GRAMD1A: variants seen among roughly 807,000 people sequenced by gnomAD.
The protein encoded by GRAMD1A is protein Aster-A.
In GRAMD1A, 50 loss-of-function variants were observed where a neutral mutation model predicts 92.0. The observed-to-expected ratio is 0.54, with a 90% confidence interval of 0.43 to 0.69. The LOEUF (loss-of-function observed/expected upper bound fraction) is 0.69, where lower values mean the gene tolerates loss of function less well. Ranked by LOEUF, GRAMD1A falls within the 30% of genes least tolerant of loss-of-function variation. GRAMD1A has a pLI of 0.00. For missense variants in GRAMD1A, 819 were observed against 978.9 expected (o/e 0.84, Z 2.18); for synonymous variants, 405 against 403.6 (o/e 1.00, Z -0.04).
In GRAMD1A at chr19:35,020,114, C is replaced by T. The variant is rs548253192; in HGVS notation, c.1475+581C>T. Reference sequence around the variant, plus strand: ...GAGATTAAAGTGGTGAACCGGGGCCCGGCACAGTGGCTCACACCTGTAATC... The same window carrying T: ...GAGATTAAAGTGGTGAACCGGGGCCTGGCACAGTGGCTCACACCTGTAATC... On this transcript the variant is annotated intron_variant, in intron 13 of 19. Transcript: ENST00000317991. Among the ~76,000 whole-genome samples the T allele has an allele frequency of 1.7e-4, 26 of 152,188 alleles. No homozygotes were observed. In the South Asian group the frequency reaches 2.1e-3, roughly 12 times the overall value.
chr19:35,005,801 C>G, intron 1 of GRAMD1A: 1 of 452,788 alleles, frequency 2.2e-6, no homozygotes, highest in Non-Finnish European at 4.4e-6. Context: ...CCAGAGTAGT[C>G]CAGGATGGGA....
In GRAMD1A at chr19:35,010,188, A is replaced by C; in HGVS notation, c.422A>C (p.Glu141Ala). Residue 141 changes from glutamate to alanine, a missense_variant, in exon 5 of 20, where the codon GAG becomes GCG. Glu to Ala is a moderately radical substitution (Grantham distance 107, BLOSUM62 -1). Transcript: ENST00000317991. ...TTCTACAGCAACATCTTCCGCTGGG[A>C]GACCACGGTGAGCCCGCAGCGGGGC... is the stretch of plus-strand genomic sequence containing the variant. Reference protein sequence around the residue: ...ICFYSNIFRWETTISIQLKEV... With the variant: ...ICFYSNIFRWATTISIQLKEV... 6.2e-7 allele frequency: 1 copy of C among 1,611,176 alleles called. No individual in the cohort carries two copies.
Position 35,023,237 on chromosome 19 carries a change from C to T in GRAMD1A, c.1855C>T (p.Leu619Phe), listed in dbSNP as rs776364405. The change falls in exon 18 of 20, where the codon CTT becomes TTT. Residue 619 changes from leucine to phenylalanine, a missense_variant and splice_region_variant. Around this residue, in one of 3 missense-constraint regions of GRAMD1A, gnomAD observed 577 missense variants for 674.6 expected, o/e 0.86. Coordinates refer to ENST00000317991, the MANE Select transcript of GRAMD1A (RefSeq NM_020895.5). ...CTGACCTCTGACCCCTGTCCCCAGC[C>T]TTATCATCCTCATCGCCCTCAACGT... ...VLISIVICVS[L>F]IILIALNVLL... 15 of 1,612,654 alleles carry T rather than the reference C, an allele frequency of 9.3e-6. No homozygotes were observed. The highest frequency in any genetic ancestry group is 1.3e-5 in the African/African-American group (1 of 74,904).
chr19:35,019,369 T>C (rs761240440), intron 12 of GRAMD1A, 22 bp from the exon 13 acceptor site: 1 of 1,613,452 alleles, frequency 6.2e-7, no homozygotes, highest in Non-Finnish European at 8.5e-7. Context: ...TGGCCCTGAC[T>C]TCTCCGGCTC....
At chr19:34,997,449 T>G (rs887577400), upstream of GRAMD1A, among the ~76,000 whole-genome samples, 3 of 148,270 alleles carry the variant, frequency 2.0e-5, no homozygotes, top group African/African-American at 7.5e-5. Flanking sequence ...TAAACAAAAC[T>G]TCTGAAAAGA....
chr19:35,021,501 G>T lies in GRAMD1A; in HGVS notation c.1476-1G>T, dbSNP rs1221090214. 6.2e-7 allele frequency: 1 copy of T among 1,611,056 alleles called. No individual in the cohort carries two copies. The highest frequency in any genetic ancestry group is 1.3e-5 in the African/African-American group (1 of 74,894). On this transcript the variant is annotated splice_acceptor_variant, in intron 13 of 19. Coordinates refer to ENST00000317991, the MANE Select transcript of GRAMD1A (RefSeq NM_020895.5). LOFTEE classifies it high-confidence loss of function. The surrounding 1 kb of genome is among the most constrained non-coding windows in gnomAD (Gnocchi z 5.3). ...TCCTTCCCCTGATCTCCCAACCCCA[G>T]AGTGTCTTCTGAGATCCGCTACCGA...
chr19:35,003,372 G>A (rs1231191930), intron 1 of GRAMD1A, among the ~76,000 whole-genome samples: 1 of 152,142 alleles, frequency 6.6e-6, no homozygotes, highest in Non-Finnish European at 1.5e-5. Context: ...GTCTGCGGAA[G>A]CAAAACAACA....
rs138482777 is a variant in GRAMD1A at position 35,010,393 on chromosome 19, C to T, written c.525+14C>T. ...GAGAGCGAGAAGGTGACGGAGGACCCGGTGACGGGACCACGCGGTCCCCCG... is the reference window on the plus strand; with the variant it reads ...GAGAGCGAGAAGGTGACGGAGGACCTGGTGACGGGACCACGCGGTCCCCCG... On this transcript the variant is annotated intron_variant, in intron 6 of 19. Transcript: ENST00000317991. 1,843 of 1,581,698 alleles carry T rather than the reference C, an allele frequency of 1.2e-3. 16 individuals are homozygous for T. In the African/African-American group the frequency reaches 0.021, roughly 18 times the overall value.
chr19:35,000,596 G>C lies in GRAMD1A; in HGVS notation c.8+110G>C. ...GGCGGAGCGGCCGCTGCAGAGGTCG[G>C]GGGCCTCTGCACATGGCTCTGGCCG... On this transcript the variant is annotated intron_variant, in intron 1 of 19. Coordinates refer to ENST00000317991, the MANE Select transcript of GRAMD1A (RefSeq NM_020895.5). This position sits in a 1 kb window ranked among gnomAD's most constrained non-coding sequence, Gnocchi z 4.9. The C allele has an allele frequency of 4.9e-6, 4 of 810,390 alleles. No homozygotes were observed. Among genetic ancestry groups the C allele is most frequent in the Non-Finnish European group, 6.5e-6 (4 of 613,010 alleles). The allele number at this position is 810,390 out of a possible 1,614,324, so 50.2% of individuals were successfully genotyped here.
At chr19:35,001,473 A>C (rs917745748) in intron 1 of GRAMD1A, among the ~76,000 whole-genome samples, 1 of 152,124 alleles carries the variant, frequency 6.6e-6, no homozygotes, top group Non-Finnish European at 1.5e-5. Flanking sequence ...CTGTAGCTCC[A>C]AGCGTTGCTG....
upstream of GRAMD1A, chr19:34,996,208 T>C (rs1255011385): frequency 1.3e-6 from 2 of 1,535,468 alleles, no homozygotes; most frequent in Non-Finnish European, 1.7e-6. Flanking sequence ...CATCCAGTGA[T>C]GGGGAGTCCC....
rs1741287064 is a variant in GRAMD1A at position 35,015,618 on chromosome 19, C to G, written c.1070-206C>G. On this transcript the variant is annotated intron_variant, in intron 10 of 19. Coordinates refer to ENST00000317991, the MANE Select transcript of GRAMD1A (RefSeq NM_020895.5). ...TGTGTTCTCCACCCAGAACCAAGCA[C>G]AGTGGCTGTCTGTCTGGGCCTGGAG... 17 of 535,476 alleles carry G rather than the reference C, an allele frequency of 3.2e-5. 1 individual carries two copies. The South Asian group carries it at 4.2e-4, about 13-fold the overall frequency. The allele number at this position is 535,476 out of a possible 1,614,324, so 33.2% of individuals were successfully genotyped here. A position where few individuals can be genotyped will look rare whatever the true frequency, so the allele number is the denominator to read the frequency against.
In GRAMD1A at chr19:35,023,291, GA is replaced by G; in HGVS notation, c.1912del (p.Arg638GlyfsTer58). 6.2e-7 allele frequency: 1 copy of G among 1,614,172 alleles called. No homozygotes were observed. Among genetic ancestry groups the G allele is most frequent in the Non-Finnish European group, 8.5e-7 (1 of 1,179,996 alleles). On this transcript the variant is annotated frameshift_variant, in exon 18 of 20. Transcript: ENST00000317991. LOFTEE classifies it high-confidence loss of function. ...GCTCTTCTACCGCCTCTGGTCCCTG[GA>G]AAGGACAGCCCACACCTTTGAGTCC... Reference protein sequence around the residue: ...VLLFYRLWSLERTAHTFESWH... With the variant: ...VLLFYRLWSLXRTAHTFESWH...
chr19:35,024,927 A>G (rs1271574952), intron 19 of GRAMD1A: 1 of 152,080 alleles, frequency 6.6e-6, no homozygotes, highest in East Asian at 1.9e-4. Context: ...AGCTGGGACT[A>G]TAGGCAGGCA....
intron 19 of GRAMD1A, among the ~76,000 whole-genome samples, chr19:35,024,304 G>A (rs1425426954): frequency 6.6e-6 from 1 of 152,224 alleles, no homozygotes; most frequent in Non-Finnish European, 1.5e-5. Flanking sequence ...GATGTGGGCT[G>A]GCTGTCCTGA....
chr19:35,009,463 G>A lies in GRAMD1A; in HGVS notation c.240+20G>A, dbSNP rs768203100. On this transcript the variant is annotated intron_variant, in intron 3 of 19. Coordinates refer to ENST00000317991, the MANE Select transcript of GRAMD1A (RefSeq NM_020895.5). ...TACAGTGTAAGTGTCTGGGCAAGGG[G>A]CTTGCTGGAGGGCTGGGAGGACCGG... 1 of 1,613,394 alleles carries A rather than the reference G, an allele frequency of 6.2e-7. No individual in the cohort carries two copies. The highest frequency in any genetic ancestry group is 1.3e-5 in the African/African-American group (1 of 74,900).
At position 35,026,445 on chromosome 19, in the gene GRAMD1A, G is replaced by A; in HGVS notation, c.*304G>A. 1 of 373,998 alleles carries A rather than the reference G, an allele frequency of 2.7e-6. No individual in the cohort carries two copies. The allele number at this position is 373,998 out of a possible 1,614,324, so 23.2% of individuals were successfully genotyped here. On this transcript the variant is annotated 3_prime_UTR_variant, in exon 20 of 20. Coordinates refer to ENST00000317991, the MANE Select transcript of GRAMD1A (RefSeq NM_020895.5). Reference sequence around the variant, plus strand: ...GTATTATATTTATTTGGGGCCGACAGTGCCCCAATAAAGGGTCAGAAGTGG... The same window carrying A: ...GTATTATATTTATTTGGGGCCGACAATGCCCCAATAAAGGGTCAGAAGTGG...
At chr19:35,010,227 G>T in intron 5 of GRAMD1A, 32 bp downstream of exon 5, 1 of 1,590,148 alleles carries the variant, frequency 6.3e-7, no homozygotes, top group South Asian at 1.1e-5. Flanking sequence ...GTACAGGGGC[G>T]GGGGCCCCCA....
chr19:34,997,388 C>CAAAAAAAAAAAAA (rs540666102), upstream of GRAMD1A, among the ~76,000 whole-genome samples: 74 of 112,462 alleles, frequency 6.6e-4, no homozygotes, highest in Middle Eastern at 5.4e-3. Flanking sequence ...GCCAAAAAAA[C>CAAAAAAAAAAAAA]AAAAAAAAAA....
Sources: allele counts gnomAD v4.1 joint callset (sites outside exome capture counted in the v4.1 genomes callset), GRCh38; gene constraint gnomAD v4.1.1; regional missense constraint gnomAD v4.1.1; non-coding constraint Gnocchi (gnomAD v3.1); transcripts MANE v1.5; gene names NCBI Gene and HGNC (gene_info 2026-07-23, HGNC 2026-07-21).